Variants in CYTH1 observed in about 807,000 individuals in gnomAD.
The protein encoded by CYTH1 is cytohesin 1, also known as cytohesin-1.
Under a neutral mutation model 61.8 loss-of-function variants are expected in CYTH1, and 18 were observed. The ratio of observed to expected loss-of-function variants is 0.29; its 90% confidence interval spans 0.20 to 0.43. The LOEUF is 0.43. Ranked by LOEUF, CYTH1 falls within the 20% of genes least tolerant of loss-of-function variation. The pLI, the probability that CYTH1 is intolerant of heterozygous loss-of-function variation, is 1.00. For synonymous variants in CYTH1, 174 were observed against 184.3 expected (o/e 0.94, Z 0.45); for missense variants, 336 against 510.5 (o/e 0.66, Z 3.29).
chr17:78,713,974 T>G (rs2144471377), intron 1 of CYTH1, among the ~76,000 whole-genome samples: 1 of 152,294 alleles, frequency 6.6e-6, no homozygotes, highest in South Asian at 2.1e-4. Flanking sequence ...TCCTCTATCT[T>G]CCAAGATATT....
chr17:78,777,848 AAG>A (rs1245173013), intron 1 of CYTH1, among the ~76,000 whole-genome samples: 3 of 151,498 alleles, frequency 2.0e-5, no homozygotes, highest in Admixed American at 2.0e-4. Flanking sequence ...AAAAAAAAGA[AAG>A]AATTCTAAAA....
At chr17:78,678,567 A>C (rs1302219628) in intron 13 of CYTH1, 1 of 152,156 alleles carries the variant, frequency 6.6e-6, no homozygotes, top group African/African-American at 2.4e-5. Context: ...TGATTCAATA[A>C]ATTTTTTTTT....
At chr17:78,769,215 C>T in intron 1 of CYTH1, among the ~76,000 whole-genome samples, 1 of 151,996 alleles carries the variant, frequency 6.6e-6, no homozygotes, top group Non-Finnish European at 1.5e-5. Flanking sequence ...CTCCGTGTCC[C>T]ACAGAATAAG....
chr17:78,775,649 G>C (rs2093488100), intron 1 of CYTH1, among the ~76,000 whole-genome samples: 1 of 152,166 alleles, frequency 6.6e-6, no homozygotes, highest in Non-Finnish European at 1.5e-5. Context: ...CAAATAAAAA[G>C]TAAGGTATTT....
intron 1 of CYTH1, among the ~76,000 whole-genome samples, chr17:78,762,886 T>C (rs1036072625): frequency 1.3e-5 from 2 of 152,212 alleles, no homozygotes; most frequent in African/African-American, 2.4e-5. Flanking sequence ...GAAATACATT[T>C]TGGCCCAGTG....
chr17:78,737,885 AC>A (rs2093327228), intron 1 of CYTH1, among the ~76,000 whole-genome samples: 2 of 83,042 alleles, frequency 2.4e-5, no homozygotes, highest in African/African-American at 6.0e-5. Flanking sequence ...ACACACACAC[AC>A]ACACACACAC....
chr17:78,729,100 T>C (rs2093280695), intron 1 of CYTH1, among the ~76,000 whole-genome samples: 1 of 152,176 alleles, frequency 6.6e-6, no homozygotes, highest in Non-Finnish European at 1.5e-5. Flanking sequence ...AATATCTTTT[T>C]TTAAATTAAT....
chr17:78,700,283 T>C lies in CYTH1; in HGVS notation c.550+48A>G. 6.8e-7 allele frequency: 1 copy of C among 1,476,414 alleles called. No homozygotes were observed. Among genetic ancestry groups the C allele is most frequent in the South Asian group, 1.3e-5 (1 of 78,178 alleles). The allele number at this position is 1,476,414 out of a possible 1,614,324, so 91.5% of individuals were successfully genotyped here. On this transcript the variant is annotated intron_variant, in intron 7 of 13. Coordinates refer to ENST00000446868, the MANE Select transcript of CYTH1 (RefSeq NM_004762.6). The surrounding 1 kb of genome is among the most constrained non-coding windows in gnomAD (Gnocchi z 5.1). ...AAATTATCTGGTGCCAAGAAAATAA[T>C]CCAGTGTAAAACGCCCATCATAAAC...
intron 1 of CYTH1, among the ~76,000 whole-genome samples, chr17:78,759,233 C>T (rs1277187824): frequency 6.6e-6 from 1 of 152,216 alleles, no homozygotes; most frequent in African/African-American, 2.4e-5. Flanking sequence ...TATATGGCAA[C>T]TGCCCCGAGG....
At chr17:78,770,159 A>G (rs890363940) in intron 1 of CYTH1, among the ~76,000 whole-genome samples, 28 of 151,588 alleles carry the variant, frequency 1.8e-4, no homozygotes, top group Non-Finnish European at 1.5e-4. Flanking sequence ...AAAAAAAAAA[A>G]AGAAAAATAC....
intron 11 of CYTH1, among the ~76,000 whole-genome samples, chr17:78,682,654 T>C (rs983975411): frequency 2.0e-5 from 3 of 152,252 alleles, no homozygotes; most frequent in Admixed American, 6.5e-5. Context: ...GGCTGCTATC[T>C]GGCTGTGCCT....
At chr17:78,747,145 C>CAAA (rs56201341) in intron 1 of CYTH1, among the ~76,000 whole-genome samples, 617 of 57,746 alleles carry the variant, frequency 0.011, 21 homozygotes, top group Middle Eastern at 0.043. Context: ...ATGGCAGCGC[C>CAAA]AAAAAAAAAA....
intron 1 of CYTH1, among the ~76,000 whole-genome samples, chr17:78,713,396 G>A (rs895303804): frequency 6.6e-6 from 1 of 152,108 alleles, no homozygotes; most frequent in African/African-American, 2.4e-5. Flanking sequence ...CAGCTGCTCC[G>A]CAAGAGGCTC....
intron 1 of CYTH1, among the ~76,000 whole-genome samples, chr17:78,777,958 C>T (rs2093499735): frequency 6.6e-6 from 1 of 151,990 alleles, no homozygotes; most frequent in African/African-American, 2.4e-5. Context: ...AAACAGCGCA[C>T]ACACAAAGTT....
At chr17:78,696,446 T>C (rs1373691687) in intron 9 of CYTH1, among the ~76,000 whole-genome samples, 1 of 152,250 alleles carries the variant, frequency 6.6e-6, no homozygotes, top group African/African-American at 2.4e-5. Context: ...TACCCATGAG[T>C]ACACATGTAC....
intron 1 of CYTH1, among the ~76,000 whole-genome samples, chr17:78,712,993 A>G (rs1405162371): frequency 6.6e-6 from 1 of 151,784 alleles, no homozygotes; most frequent in African/African-American, 2.4e-5. Context: ...TCAGCAATCC[A>G]TCAGCATTAT....
At position 78,717,434 on chromosome 17, in the gene CYTH1, G is replaced by A. The variant is rs1275704563; in HGVS notation, c.23-7702C>T. The stretch of plus-strand genomic sequence containing the variant: ...GGATTAAAGTGACAAAAACAACAAG[G>A]CGCTATTGTGCTTGGCTGTGAATAG... On this transcript the variant is annotated intron_variant, in intron 1 of 13. Coordinates refer to ENST00000446868, the MANE Select transcript of CYTH1 (RefSeq NM_004762.6). This position sits in a 1 kb window ranked among gnomAD's most constrained non-coding sequence, Gnocchi z 4.4. Among the ~76,000 whole-genome samples the A allele has an allele frequency of 6.6e-6, 1 of 152,110 alleles. No homozygotes were observed. The highest frequency in any genetic ancestry group is 1.5e-5 in the Non-Finnish European group (1 of 68,006).
At chr17:78,719,714 G>C (rs778344608) in intron 1 of CYTH1, among the ~76,000 whole-genome samples, 2 of 152,152 alleles carry the variant, frequency 1.3e-5, no homozygotes, top group Non-Finnish European at 2.9e-5. Flanking sequence ...CTGAAATTTT[G>C]AGACAGTCCT....
At chr17:78,721,634 T>G (rs1436781880) in intron 1 of CYTH1, among the ~76,000 whole-genome samples, 1 of 152,254 alleles carries the variant, frequency 6.6e-6, no homozygotes, top group African/African-American at 2.4e-5. Flanking sequence ...CAGGCGATGC[T>G]GCCTGGGCTT....
Sources: allele counts gnomAD v4.1 joint callset (sites outside exome capture counted in the v4.1 genomes callset), GRCh38; gene constraint gnomAD v4.1.1; non-coding constraint Gnocchi (gnomAD v3.1); transcripts MANE v1.5; gene names NCBI Gene and HGNC (gene_info 2026-07-23, HGNC 2026-07-21).